SETD4: variants seen among roughly 807,000 people sequenced by gnomAD.
The protein encoded by SETD4 is SET domain containing 4.
A neutral mutation model predicts 58.3 loss-of-function variants in SETD4; 46 were observed. That is an observed-to-expected ratio of 0.79 (90% CI 0.62 to 1.01). SETD4 has a LOEUF of 1.01. Among genes scored for constraint, SETD4 ranks in the 50% least tolerant of loss-of-function variants. The pLI, the probability that SETD4 is intolerant of heterozygous loss-of-function variation, is 0.00. For missense variants in SETD4, 490 were observed against 523.3 expected (o/e 0.94, Z 0.62); for synonymous variants, 190 against 202.6 (o/e 0.94, Z 0.53).
At chr21:36,051,125 T>C in intron 4 of SETD4, 7 of 1,443,712 alleles carry the variant, frequency 4.8e-6, no homozygotes, top group Non-Finnish European at 6.8e-6. Context: ...CAGACTATAC[T>C]GCCTCCCTTC....
At chr21:36,043,597 G>T in intron 7 of SETD4, 185 bp downstream of exon 7, 1 of 1,395,978 alleles carries the variant, frequency 7.2e-7, no homozygotes, top group South Asian at 1.8e-5. Flanking sequence ...TCAAAACTTC[G>T]TTGTTTTTAC....
chr21:36,041,997 TA>T, intron 7 of SETD4, 109 bp from the exon 8 acceptor site: 1 of 585,392 alleles, frequency 1.7e-6, no homozygotes, highest in Non-Finnish European at 3.0e-6. Context: ...CAGACATGCA[TA>T]AACAGTTCCA....
intron 3 of SETD4, among the ~76,000 whole-genome samples, chr21:36,053,877 A>T (rs1283792973): frequency 6.6e-6 from 1 of 152,162 alleles, no homozygotes; most frequent in Non-Finnish European, 1.5e-5. Flanking sequence ...GACTTTATAC[A>T]GACCTACTGC....
Position 36,041,158 on chromosome 21 carries a change from TCA to T in SETD4, c.984-505_984-504del, listed in dbSNP as rs1491570638. Among the ~76,000 whole-genome samples, 485 of 56,348 alleles carry T rather than the reference TCA, an allele frequency of 8.6e-3. 7 individuals carry two copies. The highest frequency in any genetic ancestry group is 0.035 in the African/African-American group (465 of 13,478). 37.0% of individuals were successfully genotyped at this position (56,348 alleles called of 152,430 possible). A position where few individuals can be genotyped will look rare whatever the true frequency, so the allele number is the denominator to read the frequency against. On this transcript the variant is annotated intron_variant, in intron 8 of 11. Coordinates refer to ENST00000332131, the MANE Select transcript of SETD4 (RefSeq NM_017438.5). ...CTGGGCGACAGAGCAAGACTCCTTC[TCA>T]AAAAAAAAAAAAAAAAAAAAAAAAA...
rs111709475 is a variant in SETD4, at chr21:36,035,000, G to A, written c.*993C>T. 1 of 152,338 alleles carries A rather than the reference G, an allele frequency of 6.6e-6. No individual in the cohort carries two copies. The highest frequency in any genetic ancestry group is 6.5e-5 in the Admixed American group (1 of 15,304). 9.4% of individuals were successfully genotyped at this position (152,338 alleles called of 1,614,324 possible). ...CTCTGCCTGCCTCCTGAGGCCAGCA[G>A]GTCCCGTTCATTTGGTTTCACTAGG... is the stretch of plus-strand genomic sequence containing the variant. On this transcript the variant is annotated 3_prime_UTR_variant, in exon 12 of 12. Coordinates refer to ENST00000332131, the MANE Select transcript of SETD4 (RefSeq NM_017438.5).
chr21:36,053,658 A>G (rs769094061), intron 3 of SETD4, 38 bp from the exon 4 acceptor site: 22 of 1,602,314 alleles, frequency 1.4e-5, no homozygotes, highest in African/African-American at 1.3e-4. Context: ...AAATCCTACC[A>G]TAACTTCAAG....
rs755543320 is a variant in SETD4, at chr21:36,038,229, G to A, written c.1109C>T (p.Thr370Met). ...TATGTCCAAACTTGTCTTCTCATTC[G>A]TATCTGAAATTACCTCCCCAAGAAG... is the stretch of plus-strand genomic sequence containing the variant. ...KVLLGEVISDTNEKTSLDIAQ... is the reference protein window; with the variant it reads ...KVLLGEVISDMNEKTSLDIAQ... The change falls in exon 10 of 12, where the codon ACG (threonine) becomes ATG (methionine). Residue 370 changes from threonine to methionine, a missense_variant. Thr to Met is a moderately conservative substitution (Grantham distance 81). Coordinates refer to ENST00000332131, the MANE Select transcript of SETD4 (RefSeq NM_017438.5). 2.4e-5 allele frequency: 39 copies of A among 1,613,818 alleles called. No homozygotes were observed. Among genetic ancestry groups the A allele is most frequent in the Admixed American group, 6.7e-5 (4 of 59,976 alleles).
At chr21:36,041,642 C>G (rs977143940) in intron 8 of SETD4, among the ~76,000 whole-genome samples, 165 bp downstream of exon 8, 1 of 152,184 alleles carries the variant, frequency 6.6e-6, no homozygotes, top group African/African-American at 2.4e-5. Context: ...CTTTTGTCCT[C>G]CACAACATCA....
chr21:36,044,002 A>G, intron 6 of SETD4, 46 bp from the exon 7 acceptor site: 1 of 1,589,032 alleles, frequency 6.3e-7, no homozygotes, highest in African/African-American at 1.3e-5. Flanking sequence ...AAGGTGTAAA[A>G]CTCCAAAGCT....
chr21:36,051,810 A>AGCTCTGTATTAT (rs1446156898), intron 4 of SETD4, among the ~76,000 whole-genome samples: 21 of 152,210 alleles, frequency 1.4e-4, no homozygotes, highest in Admixed American at 6.5e-4. Context: ...AAATTACAGG[A>AGCTCTGTATTAT]ATTTTTGTAT....
intron 9 of SETD4, 52 bp from the exon 10 acceptor site, chr21:36,038,325 A>AT (rs1490498651): frequency 3.8e-6 from 6 of 1,596,518 alleles, no homozygotes; most frequent in African/African-American, 1.4e-5. Context: ...CAAAAAACAG[A>AT]TTTTTTTGTT....
At chr21:36,042,899 G>A (rs73207987) in intron 7 of SETD4, 49,117 of 151,948 alleles carry the variant, frequency 0.32, 8,216 homozygotes, top group Middle Eastern at 0.4. Flanking sequence ...CCCAGGAGTT[G>A]AAGACCAGCC....
intron 4 of SETD4, chr21:36,050,221 G>A: frequency 8.1e-7 from 1 of 1,232,316 alleles, no homozygotes; most frequent in Non-Finnish European, 1.2e-6. Context: ...ATCAAGATCT[G>A]TAGTTACGTG....
chr21:36,044,884 G>A (rs1360733202), intron 6 of SETD4, among the ~76,000 whole-genome samples: 2 of 152,140 alleles, frequency 1.3e-5, no homozygotes, highest in African/African-American at 2.4e-5. Flanking sequence ...ACTCTCTTCC[G>A]CTCTCCAAGC....
rs1414436995 is a variant in SETD4 at position 36,043,693 on chromosome 21, T to A, written c.901+89A>T. 34 of 1,554,416 alleles carry A rather than the reference T, an allele frequency of 2.2e-5. No homozygotes were observed. The South Asian group carries it at 4.0e-4, about 18-fold the overall frequency. On this transcript the variant is annotated intron_variant, in intron 7 of 11. Coordinates refer to ENST00000332131, the MANE Select transcript of SETD4 (RefSeq NM_017438.5). ...GATATGTATGTCAGTCTTAAGGTTT[T>A]GATATTTTTATTAAAACTGAAAATA...
intron 5 of SETD4, among the ~76,000 whole-genome samples, chr21:36,047,110 C>T (rs917209897): frequency 3.9e-5 from 6 of 152,090 alleles, no homozygotes; most frequent in South Asian, 2.1e-4. Flanking sequence ...ACAAAATTAG[C>T]AGGGCATGGT....
Position 36,058,858 on chromosome 21 carries a change from T to G in SETD4, c.31A>C (p.Ile11Leu), listed in dbSNP as rs2065129557. 1.2e-6 allele frequency: 2 copies of G among 1,602,828 alleles called. No homozygotes were observed. The highest frequency in any genetic ancestry group is 1.7e-6 in the Non-Finnish European group (2 of 1,175,914). The change falls in exon 2 of 12, where the codon ATC becomes CTC. Residue 11 changes from isoleucine (I) to leucine (L), a missense_variant. Physicochemically the swap from Ile to Leu is conservative, Grantham distance 5. Coordinates refer to ENST00000332131, the MANE Select transcript of SETD4 (RefSeq NM_017438.5). Reference sequence around the variant, plus strand: ...CTTCCGCAGAGTTTTCGTCTTCTGATCCGGCTTGTTCTCCCTTTTCCTTTC... The same window carrying G: ...CTTCCGCAGAGTTTTCGTCTTCTGAGCCGGCTTGTTCTCCCTTTTCCTTTC... Reference protein sequence around the residue: MQKGKGRTSRIRRRKLCGSSE... With the variant: MQKGKGRTSRLRRRKLCGSSE...
At chr21:36,046,478 A>G (rs568531023) in intron 5 of SETD4, among the ~76,000 whole-genome samples, 2 of 152,378 alleles carry the variant, frequency 1.3e-5, no homozygotes, top group African/African-American at 2.4e-5. Flanking sequence ...TTAATTATTT[A>G]GAATTGAATA....
intron 5 of SETD4, among the ~76,000 whole-genome samples, chr21:36,046,755 T>C (rs1042228906): frequency 6.6e-6 from 1 of 152,244 alleles, no homozygotes; most frequent in Non-Finnish European, 1.5e-5. Flanking sequence ...AAAGATCTCA[T>C]GTTGCCTGAA....
Sources: allele counts gnomAD v4.1 joint callset (sites outside exome capture counted in the v4.1 genomes callset), GRCh38; gene constraint gnomAD v4.1.1; transcripts MANE v1.5; gene names NCBI Gene and HGNC (gene_info 2026-07-23, HGNC 2026-07-21).